The following GPR158 variants were observed in gnomAD, a reference collection of about 807,000 sequenced individuals.
The protein encoded by GPR158 is metabotropic glycine receptor.
A neutral mutation model predicts 78.2 loss-of-function variants in GPR158; 30 were observed. The observed-to-expected ratio is 0.38, with a 90% CI of 0.29 to 0.52. The LOEUF (loss-of-function observed/expected upper bound fraction) is 0.52, where lower values mean the gene tolerates loss of function less well. Ranked by LOEUF, GPR158 falls within the 20% of genes least tolerant of loss-of-function variation. The probability of loss-of-function intolerance (pLI) is 0.83; values close to 1 mark genes in which losing one functional copy is unlikely to be tolerated. For synonymous variants in GPR158, 581 were observed against 591.1 expected, an observed-to-expected ratio of 0.98 and a Z score of 0.25; for missense variants, 1,463 against 1,523.5, an observed-to-expected ratio of 0.96 and a Z score of 0.66.
chr10:25,191,929 T>C (rs1009666474), intron 1 of GPR158, among the ~76,000 whole-genome samples: 12 of 152,196 alleles, frequency 7.9e-5, no homozygotes, highest in African/African-American at 2.9e-4. Context: ...CCTCCTGTTA[T>C]TATCTGTCTC....
At chr10:25,203,832 C>A (rs1852970891) in intron 1 of GPR158, among the ~76,000 whole-genome samples, 1 of 144,274 alleles carries the variant, frequency 6.9e-6, no homozygotes, top group Non-Finnish European at 1.5e-5. Flanking sequence ...GGCACTGAAT[C>A]TATAAATTAC....
At chr10:25,432,448 A>C (rs1834924601) in intron 4 of GPR158, among the ~76,000 whole-genome samples, 1 of 152,204 alleles carries the variant, frequency 6.6e-6, no homozygotes, top group South Asian at 2.1e-4. Flanking sequence ...CTAAACATAT[A>C]TGTGCACAAA....
At chr10:25,255,537 C>T (rs1853878873) in intron 2 of GPR158, among the ~76,000 whole-genome samples, 1 of 152,196 alleles carries the variant, frequency 6.6e-6, no homozygotes, top group Non-Finnish European at 1.5e-5. Flanking sequence ...CAAGTTCATT[C>T]TGGTCCTTGG....
chr10:25,248,882 T>C (rs1304672956), intron 2 of GPR158, among the ~76,000 whole-genome samples: 84 of 150,938 alleles, frequency 5.6e-4, no homozygotes, highest in African/African-American at 1.8e-3. Flanking sequence ...GGGGATGGCA[T>C]TGAATCTGTA....
At chr10:25,474,864 G>T (rs572287852) in intron 5 of GPR158, among the ~76,000 whole-genome samples, 51 of 152,248 alleles carry the variant, frequency 3.3e-4, no homozygotes, top group African/African-American at 1.2e-3. Context: ...GACTAAGAAT[G>T]AGGGCCCTTA....
At chr10:25,483,412 G>A (rs1835686021) in intron 5 of GPR158, among the ~76,000 whole-genome samples, 1 of 151,720 alleles carries the variant, frequency 6.6e-6, no homozygotes, top group African/African-American at 2.4e-5. Context: ...TATTCTTCTT[G>A]ATGAAGCTCA....
At chr10:25,453,967 A>G (rs1835257527) in intron 4 of GPR158, among the ~76,000 whole-genome samples, 1 of 152,154 alleles carries the variant, frequency 6.6e-6, no homozygotes, top group African/African-American at 2.4e-5. Context: ...TCTGTGAACA[A>G]TGTCATTGGA....
At chr10:25,208,205 A>C (rs1474148802) in intron 1 of GPR158, among the ~76,000 whole-genome samples, 2 of 152,176 alleles carry the variant, frequency 1.3e-5, no homozygotes, top group Non-Finnish European at 2.9e-5. Context: ...GATTTTTCAC[A>C]TTTTAATATG....
At chr10:25,549,170 G>A (rs536987056) in intron 5 of GPR158, among the ~76,000 whole-genome samples, 13 of 152,056 alleles carry the variant, frequency 8.5e-5, no homozygotes, top group African/African-American at 2.4e-4. Context: ...TCAGACCCCC[G>A]TATGTGTAGT....
chr10:25,285,507 T>C (rs971859154), intron 2 of GPR158, among the ~76,000 whole-genome samples: 1 of 152,138 alleles, frequency 6.6e-6, no homozygotes, highest in African/African-American at 2.4e-5. Context: ...GGCACTAGTG[T>C]AAGTCCTGGA....
chr10:25,296,653 T>G (rs2130770330), intron 2 of GPR158, among the ~76,000 whole-genome samples: 1 of 152,244 alleles, frequency 6.6e-6, no homozygotes, highest in Non-Finnish European at 1.5e-5. Flanking sequence ...CTAACATGTA[T>G]TAAGTGTTTA....
chr10:25,291,342 G>A (rs997575323), intron 2 of GPR158, among the ~76,000 whole-genome samples: 6 of 151,974 alleles, frequency 3.9e-5, no homozygotes, highest in Middle Eastern at 3.2e-3. Flanking sequence ...AGGGAAATGG[G>A]ATCAATTTCT....
intron 1 of GPR158, among the ~76,000 whole-genome samples, chr10:25,186,600 C>T (rs759747388): frequency 7.9e-5 from 12 of 152,098 alleles, no homozygotes; most frequent in African/African-American, 2.7e-4. Context: ...AACACCTCTA[C>T]GCAAATAAAC....
chr10:25,454,615 A>G (rs1217264700), intron 4 of GPR158, among the ~76,000 whole-genome samples: 1 of 152,138 alleles, frequency 6.6e-6, no homozygotes, highest in African/African-American at 2.4e-5. Context: ...GAGAAAGGTA[A>G]AAGAACAGTG....
At chr10:25,411,817 C>T (rs891253625) in intron 3 of GPR158, among the ~76,000 whole-genome samples, 5 of 151,230 alleles carry the variant, frequency 3.3e-5, no homozygotes, top group Non-Finnish European at 7.4e-5. Flanking sequence ...CACCTGTAGT[C>T]CAGCTACTCG....
intron 4 of GPR158, among the ~76,000 whole-genome samples, chr10:25,417,432 C>T (rs1453308032): frequency 6.6e-6 from 1 of 152,118 alleles, no homozygotes; most frequent in Non-Finnish European, 1.5e-5. Context: ...GGTTCTCTTT[C>T]CCATTTCATT....
At chr10:25,240,384 C>T (rs1211307087) in intron 2 of GPR158, among the ~76,000 whole-genome samples, 1 of 152,174 alleles carries the variant, frequency 6.6e-6, no homozygotes, top group East Asian at 1.9e-4. Context: ...TGGTGCACGC[C>T]TGTAATCCCA....
chr10:25,372,981 C>T (rs72796160), intron 2 of GPR158, among the ~76,000 whole-genome samples: 23,814 of 151,806 alleles, frequency 0.16, 2,153 homozygotes, highest in African/African-American at 0.24. Flanking sequence ...AATTGTCTGT[C>T]ATAAAAACAC....
At chr10:25,597,636 CAT>C in intron 10 of GPR158, 134 bp from the exon 11 acceptor site, 3 of 543,530 alleles carry the variant, frequency 5.5e-6, no homozygotes, top group Non-Finnish European at 9.3e-6. Context: ...TCGACAAGTA[CAT>C]ATGTCAGAGA....
Sources: allele counts gnomAD v4.1 joint callset (sites outside exome capture counted in the v4.1 genomes callset), GRCh38; gene constraint gnomAD v4.1.1; transcripts MANE v1.5; gene names NCBI Gene and HGNC (gene_info 2026-07-23, HGNC 2026-07-21).